The following ULK4 variants were observed in gnomAD, a reference collection of about 807,000 sequenced individuals.
The protein encoded by ULK4 is unc-51 like kinase 4, also known as inactive serine/threonine-protein kinase ULK4.
A neutral mutation model predicts 160.6 loss-of-function variants in ULK4; 133 were observed. The observed-to-expected ratio is 0.83, with a 90% CI of 0.72 to 0.96. ULK4 has a LOEUF of 0.96. ULK4 is among the 40% of genes least tolerant of loss of function. ULK4 has a pLI of 0.00. For synonymous variants in ULK4, 534 were observed against 539.8 expected (o/e 0.99, Z 0.15); for missense variants, 1,580 against 1,499.5 (o/e 1.05, Z -0.89).
At chr3:41,961,313 G>A (rs1168600466) in intron 1 of ULK4, among the ~76,000 whole-genome samples, 1 of 152,112 alleles carries the variant, frequency 6.6e-6, no homozygotes, top group East Asian at 1.9e-4. Flanking sequence ...AAAAGAAAAA[G>A]TTATCGGCCC....
At chr3:41,347,591 C>T (rs1234742925) in intron 35 of ULK4, among the ~76,000 whole-genome samples, 2 of 152,130 alleles carry the variant, frequency 1.3e-5, no homozygotes, top group Non-Finnish European at 2.9e-5. Flanking sequence ...CCACCATACT[C>T]ATCCTCACGT....
chr3:41,848,897 C>T (rs1356948593), intron 17 of ULK4, among the ~76,000 whole-genome samples: 2 of 152,218 alleles, frequency 1.3e-5, no homozygotes, highest in Admixed American at 6.5e-5. Flanking sequence ...TTCCTTGACA[C>T]AAAAACATTT....
intron 17 of ULK4, among the ~76,000 whole-genome samples, chr3:41,858,150 T>TG (rs1278488069): frequency 3.4e-4 from 28 of 82,182 alleles, no homozygotes; most frequent in East Asian, 5.6e-4. Context: ...TTTGTTTGTT[T>TG]TTTTTTTTTT....
rs576448821 is a variant in ULK4 at position 41,433,924 on chromosome 3, A to G, written c.3492+21573T>C. 3.9e-5 allele frequency among the ~76,000 whole-genome samples: 6 copies of G among 152,170 alleles called. No individual in the cohort carries two copies. The South Asian group carries it at 6.2e-4, about 16-fold the overall frequency. On this transcript the variant is annotated intron_variant, in intron 34 of 36. Transcript: ENST00000301831. ...TGTTTAGTAGAGACAGGGTTTCACC[A>G]TGTTAGTCAGGATGGTCTCAATCTC...
At chr3:41,540,577 G>C (rs1242741329) in intron 32 of ULK4, among the ~76,000 whole-genome samples, 2 of 152,074 alleles carry the variant, frequency 1.3e-5, no homozygotes, top group African/African-American at 2.4e-5. Flanking sequence ...TGGGTCAAAT[G>C]GTATTTCTAG....
intron 29 of ULK4, among the ~76,000 whole-genome samples, chr3:41,674,202 T>G (rs1485733983): frequency 2.6e-5 from 4 of 152,182 alleles, no homozygotes; most frequent in African/African-American, 9.6e-5. Flanking sequence ...TAGTCCCATT[T>G]ACAGATAAAT....
chr3:41,880,321 T>G (rs1697469605), intron 17 of ULK4, among the ~76,000 whole-genome samples: 1 of 148,784 alleles, frequency 6.7e-6, no homozygotes, highest in Non-Finnish European at 1.5e-5. Flanking sequence ...TATTTTTCAG[T>G]AAAAAAGATA....
chr3:41,390,371 T>G (rs955631602), intron 35 of ULK4, among the ~76,000 whole-genome samples: 5 of 152,214 alleles, frequency 3.3e-5, no homozygotes, highest in African/African-American at 1.2e-4. Flanking sequence ...TTTCCTTCAG[T>G]TCTGCTCTGA....
chr3:41,775,096 A>G (rs2039555207), intron 21 of ULK4, among the ~76,000 whole-genome samples: 1 of 147,348 alleles, frequency 6.8e-6, no homozygotes, highest in Non-Finnish European at 1.5e-5. Flanking sequence ...GGGGAGGGAT[A>G]CCATTAGGAG....
intron 32 of ULK4, among the ~76,000 whole-genome samples, chr3:41,472,970 A>G (rs2084031133): frequency 6.6e-6 from 1 of 152,212 alleles, no homozygotes; most frequent in Admixed American, 6.5e-5. Flanking sequence ...GGTTCAACAT[A>G]TGCAAATCAA....
chr3:41,316,770 C>T (rs1007704162), intron 35 of ULK4, among the ~76,000 whole-genome samples: 2 of 152,134 alleles, frequency 1.3e-5, no homozygotes, highest in African/African-American at 2.4e-5. Flanking sequence ...ATATTATTTT[C>T]CCTTCTCTCA....
intron 32 of ULK4, among the ~76,000 whole-genome samples, chr3:41,521,070 C>T (rs2085915060): frequency 6.6e-6 from 1 of 152,064 alleles, no homozygotes; most frequent in South Asian, 2.1e-4. Flanking sequence ...ATTCTAAGAC[C>T]CTAGGGAACA....
chr3:41,675,189 G>A (rs1418098104), intron 29 of ULK4, among the ~76,000 whole-genome samples: 4 of 151,514 alleles, frequency 2.6e-5, no homozygotes, highest in South Asian at 2.1e-4. Context: ...GCAATGAGCC[G>A]AGATCATTCC....
At chr3:41,575,283 T>C (rs544242506) in intron 31 of ULK4, among the ~76,000 whole-genome samples, 8 of 152,236 alleles carry the variant, frequency 5.3e-5, no homozygotes, top group East Asian at 1.9e-4. Flanking sequence ...GGGGGAATGT[T>C]TGGAGTAGGA....
At chr3:41,821,667 C>T (rs916581276) in intron 18 of ULK4, among the ~76,000 whole-genome samples, 11 of 152,034 alleles carry the variant, frequency 7.2e-5, no homozygotes, top group African/African-American at 2.7e-4. Flanking sequence ...TTCCTGTTTC[C>T]ACCTGAATAG....
intron 21 of ULK4, among the ~76,000 whole-genome samples, chr3:41,773,744 A>G (rs949299008): frequency 6.6e-6 from 1 of 152,186 alleles, no homozygotes; most frequent in African/African-American, 2.4e-5. Flanking sequence ...ATGGAACCAA[A>G]AAAGAGCCGG....
intron 27 of ULK4, among the ~76,000 whole-genome samples, chr3:41,703,593 A>C (rs1464204004): frequency 6.6e-6 from 1 of 152,156 alleles, no homozygotes; most frequent in Non-Finnish European, 1.5e-5. Context: ...TACCCCAAAA[A>C]GTTAGAAAAG....
intron 27 of ULK4, among the ~76,000 whole-genome samples, chr3:41,687,577 A>G (rs890503515): frequency 1.8e-4 from 27 of 152,138 alleles, no homozygotes; most frequent in African/African-American, 6.3e-4. Flanking sequence ...ATCAGTGTCC[A>G]ATGTCAAGAA....
In ULK4 at chr3:41,506,767, A is replaced by AAAAAAAAAAAAAAAAATATAT; in HGVS notation, c.3227-43515_3227-43514insATATATTTTTTTTTTTTTTTT. Among the ~76,000 whole-genome samples the AAAAAAAAAAAAAAAAATATAT allele has an allele frequency of 2.5e-4, 14 of 56,790 alleles. 1 individual carries two copies. The highest frequency in any genetic ancestry group is 8.6e-4 in the Admixed American group (4 of 4,636). 37.3% of individuals were successfully genotyped at this position (56,790 alleles called of 152,430 possible). ...AGCAATACACTGGAGTGTGATTTAAAATATATATATATATATATATATATA... is the reference window on the plus strand; with the variant it reads ...AGCAATACACTGGAGTGTGATTTAAAAAAAAAAAAAAAAAAATATATATATATATATATATATATATATATA... On this transcript the variant is annotated intron_variant, in intron 32 of 36. Transcript: ENST00000301831.
Sources: gnomAD v4.1 joint callset for allele counts (sites outside exome capture counted in the v4.1 genomes callset) on GRCh38, gnomAD v4.1.1 for gene constraint, MANE v1.5 for transcripts, NCBI Gene and HGNC (gene_info 2026-07-23, HGNC 2026-07-21) for gene names.